The following SYT3 variants were observed in gnomAD, a reference collection of about 807,000 sequenced individuals.
SYT3 encodes synaptotagmin 3.
Under a neutral mutation model 50.6 loss-of-function variants are expected in SYT3, and 25 were observed. The observed-to-expected ratio is 0.49, with a 90% CI of 0.36 to 0.69. The LOEUF (loss-of-function observed/expected upper bound fraction) is 0.69. Among genes scored for constraint, SYT3 ranks in the 30% least tolerant of loss-of-function variants. The pLI, the probability that SYT3 is intolerant of heterozygous loss-of-function variation, is 0.00. For missense variants in SYT3, 589 were observed against 793.6 expected (o/e 0.74, Z 3.10); for synonymous variants, 323 against 353.9 (o/e 0.91, Z 0.98).
chr19:50,631,373 A>G (rs191407609), intron 4 of SYT3, among the ~76,000 whole-genome samples: 243 of 152,092 alleles, frequency 1.6e-3, no homozygotes, highest in African/African-American at 5.3e-3. Flanking sequence ...CATATTGGCC[A>G]GGCTGGTCTC....
chr19:50,657,995 G>A, the SYT3 span: 24 of 1,528,352 alleles, frequency 1.6e-5, no homozygotes, highest in Non-Finnish European at 2.0e-5. Context: ...GCAGCCCGAG[G>A]AGGATTTTAC....
chr19:50,626,044 A>G (rs1266525737), intron 6 of SYT3, 27 bp from the exon 7 acceptor site: 5 of 1,608,816 alleles, frequency 3.1e-6, no homozygotes, highest in Non-Finnish European at 4.2e-6. Context: ...GGTCAGCGAT[A>G]TCTTGCCTCA....
Position 50,623,821 on chromosome 19 carries a change from A to AATC in SYT3, c.1708-1067_1708-1066insGAT, listed in dbSNP as rs966638401. Among the ~76,000 whole-genome samples, 14 of 151,816 alleles carry AATC rather than the reference A, an allele frequency of 9.2e-5. 1 individual carries two copies. Among genetic ancestry groups the AATC allele is most frequent in the African/African-American group, 3.4e-4 (14 of 41,306 alleles). On this transcript the variant is annotated intron_variant, in intron 9 of 10. Transcript: ENST00000600079. ...CTGTCTCAATAATAACAATAATAAT[A>AATC]ATAATGCAAGATTTTAAAAAAAATC...
chr19:50,630,256 C>T (rs1984252563), intron 4 of SYT3, 85 bp from the exon 5 acceptor site: 2 of 1,350,618 alleles, frequency 1.5e-6, no homozygotes, highest in Admixed American at 5.9e-5. Flanking sequence ...CTCCTCCCTG[C>T]CTTTCCCCCC....
chr19:50,625,578 T>G lies in SYT3; in HGVS notation c.1403-14A>C, dbSNP rs545905607. 3.0e-5 allele frequency: 47 copies of G among 1,564,418 alleles called. No individual in the cohort carries two copies. In the South Asian group the frequency reaches 5.5e-4, roughly 18 times the overall value. The stretch of plus-strand genomic sequence containing the variant: ...TCACGTAGGGGTCTGGGAACAGCAA[T>G]GAAGTAAGGAACAGAGACTCACTCC... On this transcript the variant is annotated splice_polypyrimidine_tract_variant and intron_variant, in intron 7 of 10. Transcript: ENST00000600079. The surrounding 1 kb of genome is among the most constrained non-coding windows in gnomAD (Gnocchi z 7.5).
At chr19:50,640,254 A>G (rs1309332027), upstream of SYT3, among the ~76,000 whole-genome samples, 4 of 152,220 alleles carry the variant, frequency 2.6e-5, no homozygotes, top group African/African-American at 9.7e-5. Context: ...AGGTACTAGC[A>G]GGGACCTGGG....
At chr19:50,655,806 C>T in the SYT3 span, among the ~76,000 whole-genome samples, 1 of 152,210 alleles carries the variant, frequency 6.6e-6, no homozygotes. Flanking sequence ...CACTGGCGCC[C>T]CTGTTAGGCA....
At chr19:50,649,977 C>G in the SYT3 span, among the ~76,000 whole-genome samples, 1 of 152,158 alleles carries the variant, frequency 6.6e-6, no homozygotes, top group Non-Finnish European at 1.5e-5. Flanking sequence ...CCCTCTGACT[C>G]TCCCTTCCCC....
At chr19:50,623,805 T>A (rs1474315769) in intron 9 of SYT3, among the ~76,000 whole-genome samples, 6 of 151,036 alleles carry the variant, frequency 4.0e-5, no homozygotes, top group African/African-American at 1.5e-4. Flanking sequence ...TCTGTCTCAA[T>A]AATAACAATA....
chr19:50,650,777 G>A, the SYT3 span, among the ~76,000 whole-genome samples: 61 of 152,340 alleles, frequency 4.0e-4, no homozygotes, highest in African/African-American at 1.4e-3. Context: ...CTTCGAGGCC[G>A]AACAAATGCC....
intron 3 of SYT3, among the ~76,000 whole-genome samples, chr19:50,633,585 T>C (rs902485646): frequency 1.3e-5 from 2 of 152,204 alleles, no homozygotes; most frequent in Non-Finnish European, 2.9e-5. Flanking sequence ...GGAACATATC[T>C]TGACCACTCT....
upstream of SYT3, among the ~76,000 whole-genome samples, chr19:50,640,303 C>T (rs1326179535): frequency 6.6e-6 from 1 of 152,182 alleles, no homozygotes; most frequent in East Asian, 1.9e-4. Flanking sequence ...CTGTGTGCGC[C>T]TCTTGCTCTG....
chr19:50,656,282 C>T, the SYT3 span: 17 of 1,536,152 alleles, frequency 1.1e-5, no homozygotes, highest in East Asian at 7.3e-5. Context: ...CGAGAACTCC[C>T]GTGCATCCGG....
chr19:50,645,002 CAT>C, the SYT3 span, among the ~76,000 whole-genome samples: 1 of 152,168 alleles, frequency 6.6e-6, no homozygotes, highest in African/African-American at 2.4e-5. Flanking sequence ...GATTCACACA[CAT>C]ATGTGCCTGG....
At chr19:50,635,114 T>A (rs913147060) in intron 3 of SYT3, among the ~76,000 whole-genome samples, 1 of 151,996 alleles carries the variant, frequency 6.6e-6, no homozygotes, top group African/African-American at 2.4e-5. Flanking sequence ...GATAGGGTTT[T>A]ACCATGGATG....
chr19:50,649,658 T>A, the SYT3 span: 1 of 917,418 alleles, frequency 1.1e-6, no homozygotes, highest in Non-Finnish European at 1.7e-6. Flanking sequence ...ACCAGATTCC[T>A]GGAGAGCGGC....
At chr19:50,650,946 A>C in the SYT3 span, among the ~76,000 whole-genome samples, 1 of 152,218 alleles carries the variant, frequency 6.6e-6, no homozygotes, top group Non-Finnish European at 1.5e-5. Flanking sequence ...AGTCAAGTGG[A>C]GTTGAGTCGA....
the SYT3 span, among the ~76,000 whole-genome samples, chr19:50,651,554 G>A: frequency 3.9e-5 from 6 of 151,972 alleles, no homozygotes; most frequent in Non-Finnish European, 5.9e-5. Flanking sequence ...GGCACACAGG[G>A]GCCCTCTGAG....
chr19:50,649,574 C>T, the SYT3 span: 1 of 1,505,864 alleles, frequency 6.6e-7, no homozygotes, highest in South Asian at 1.2e-5. Flanking sequence ...GCGTAGTAGC[C>T]CGGGCTCACA....
Sources: gnomAD v4.1 joint callset for allele counts (sites outside exome capture counted in the v4.1 genomes callset) on GRCh38, gnomAD v4.1.1 for gene constraint, Gnocchi (gnomAD v3.1) non-coding constraint, MANE v1.5 for transcripts, NCBI Gene and HGNC (gene_info 2026-07-23, HGNC 2026-07-21) for gene names.